Variants in CEP89 observed in about 807,000 individuals in gnomAD.
The protein encoded by CEP89 is centrosomal protein 89.
Under a neutral mutation model 97.6 loss-of-function variants are expected in CEP89, and 95 were observed. The ratio of observed to expected loss-of-function variants is 0.97; its 90% CI spans 0.82 to 1.15. CEP89 has a LOEUF of 1.15. Among genes scored for constraint, CEP89 ranks in the 50% most tolerant of loss-of-function variants. CEP89 has a pLI of 0.00. For synonymous variants in CEP89, 354 were observed against 349.1 expected (o/e 1.01, Z -0.16); for missense variants, 869 against 947.7 (o/e 0.92, Z 1.09).
chr19:32,931,004 G>A (rs2145927800), intron 9 of CEP89, among the ~76,000 whole-genome samples: 1 of 152,138 alleles, frequency 6.6e-6, no homozygotes, highest in Non-Finnish European at 1.5e-5. Flanking sequence ...TCTTGCCTCA[G>A]CCTCCTGAGT....
At chr19:32,934,531 C>T (rs1970541521) in intron 7 of CEP89, among the ~76,000 whole-genome samples, 1 of 152,164 alleles carries the variant, frequency 6.6e-6, no homozygotes, top group Admixed American at 6.5e-5. Flanking sequence ...AGAGCTTCCA[C>T]ACAGACGAGG....
chr19:32,914,768 T>C (rs144844605), intron 14 of CEP89, among the ~76,000 whole-genome samples: 12 of 152,202 alleles, frequency 7.9e-5, no homozygotes, highest in Non-Finnish European at 1.8e-4. Context: ...ACACCTGTAA[T>C]TCCAGCACTT....
intron 14 of CEP89, among the ~76,000 whole-genome samples, chr19:32,913,048 ATT>A (rs1344555592): frequency 5.4e-5 from 8 of 148,926 alleles, no homozygotes; most frequent in Non-Finnish European, 1.0e-4. Flanking sequence ...CTCAAAAAAA[ATT>A]AAAAAAAATT....
intron 17 of CEP89, among the ~76,000 whole-genome samples, chr19:32,884,748 A>G (rs538074060): frequency 6.6e-6 from 1 of 151,982 alleles, no homozygotes; most frequent in East Asian, 1.9e-4. Flanking sequence ...ACTTTTTTTT[A>G]GAGATGGGGT....
At chr19:32,932,172 C>G (rs1970490051) in intron 8 of CEP89, among the ~76,000 whole-genome samples, 1 of 146,132 alleles carries the variant, frequency 6.8e-6, no homozygotes, top group African/African-American at 2.5e-5. Flanking sequence ...CAGAGGGAGA[C>G]TCCATCTCAC....
At chr19:32,957,178 G>T (rs753151720) in intron 3 of CEP89, among the ~76,000 whole-genome samples, 14 of 152,098 alleles carry the variant, frequency 9.2e-5, no homozygotes, top group Non-Finnish European at 1.5e-5. Context: ...GACAGGGCTG[G>T]GCACAATGGC....
intron 9 of CEP89, among the ~76,000 whole-genome samples, chr19:32,928,982 T>C: frequency 6.6e-6 from 1 of 152,216 alleles, no homozygotes; most frequent in East Asian, 1.9e-4. Context: ...GCATTACATA[T>C]TCTGTCTGGT....
chr19:32,890,524 C>T (rs1014972912), intron 16 of CEP89, among the ~76,000 whole-genome samples: 5 of 152,108 alleles, frequency 3.3e-5, no homozygotes, highest in African/African-American at 4.8e-5. Context: ...AGTCATCGCA[C>T]GGAGAACATC....
At chr19:32,935,255 C>T (rs942126659) in intron 7 of CEP89, among the ~76,000 whole-genome samples, 1 of 152,184 alleles carries the variant, frequency 6.6e-6, no homozygotes, top group Non-Finnish European at 1.5e-5. Flanking sequence ...AGCCTGCTGG[C>T]TCTCCCTCTT....
At chr19:32,911,979 C>A (rs1472154986) in intron 14 of CEP89, among the ~76,000 whole-genome samples, 2 of 152,104 alleles carry the variant, frequency 1.3e-5, no homozygotes, top group Non-Finnish European at 2.9e-5. Context: ...GTAATCCCAG[C>A]ACTTTGGGAG....
rs1374348403 is a variant in CEP89 at position 32,901,286 on chromosome 19, T to C, written c.1692A>G (p.Lys564=). ...CTCGTTCAAGTTCGGCTTCCAGTGC[T>C]TTGTTTTGCTCTGTCAAACTGTTCT... ...LEKNSLTEQN[K]ALEAELERAQ... The change falls in exon 15 of 19, where the codon AAA becomes AAG. Residue 564 remains lysine, a synonymous_variant. Coordinates refer to ENST00000305768, the MANE Select transcript of CEP89 (RefSeq NM_032816.5). 5.0e-6 allele frequency: 8 copies of C among 1,613,858 alleles called. No individual in the cohort carries two copies. Among genetic ancestry groups the C allele is most frequent in the Non-Finnish European group, 6.8e-6 (8 of 1,179,982 alleles).
At chr19:32,965,246 A>T (rs1971255975) in intron 2 of CEP89, among the ~76,000 whole-genome samples, 1 of 152,090 alleles carries the variant, frequency 6.6e-6, no homozygotes, top group Admixed American at 6.6e-5. Context: ...CAGAAAATTT[A>T]AAAAATTAGC....
intron 17 of CEP89, among the ~76,000 whole-genome samples, chr19:32,884,412 T>A (rs1438872228): frequency 6.6e-6 from 1 of 152,180 alleles, no homozygotes; most frequent in Non-Finnish European, 1.5e-5. Flanking sequence ...CCCTAATAGG[T>A]GAATTAAGCT....
intron 17 of CEP89, among the ~76,000 whole-genome samples, chr19:32,886,442 T>C (rs952183147): frequency 6.6e-6 from 1 of 152,134 alleles, no homozygotes; most frequent in Non-Finnish European, 1.5e-5. Flanking sequence ...TCTGCCTGCA[T>C]CCCTCAGTTC....
chr19:32,933,612 G>A lies in CEP89; in HGVS notation c.725C>T (p.Ala242Val). The change falls in exon 8 of 19, where the codon GCA becomes GTA. Residue 242 changes from alanine to valine, a missense_variant. Transcript: ENST00000305768. ...YTEITREKFE[A>V]LKEENMDLNN... ...TAGGTCCATATTTTCTTCTTTTAAT[G>A]CCTCAAACTTTTCTCTGGTTATTTC... 1 of 1,613,222 alleles carries A rather than the reference G, an allele frequency of 6.2e-7. No individual in the cohort carries two copies. Among genetic ancestry groups the A allele is most frequent in the East Asian group, 2.2e-5 (1 of 44,864 alleles).
At chr19:32,912,720 TA>T (rs1184515559) in intron 14 of CEP89, among the ~76,000 whole-genome samples, 1 of 152,160 alleles carries the variant, frequency 6.6e-6, no homozygotes, top group African/African-American at 2.4e-5. Context: ...TGTAATTTTA[TA>T]TAGCTACACA....
chr19:32,912,281 T>C (rs1970017723), intron 14 of CEP89, among the ~76,000 whole-genome samples: 1 of 152,166 alleles, frequency 6.6e-6, no homozygotes, highest in South Asian at 2.1e-4. Flanking sequence ...TTGGCTCGGC[T>C]ATGGTGCCCA....
chr19:32,896,005 T>G (rs1969633330), intron 16 of CEP89, among the ~76,000 whole-genome samples: 2 of 152,186 alleles, frequency 1.3e-5, no homozygotes, highest in Non-Finnish European at 2.9e-5. Context: ...TGATCATGGA[T>G]GCGAAGAATT....
chr19:32,883,741 T>C (rs1332802081), intron 17 of CEP89, among the ~76,000 whole-genome samples: 1 of 152,208 alleles, frequency 6.6e-6, no homozygotes, highest in Non-Finnish European at 1.5e-5. Flanking sequence ...AGGCTTTCTT[T>C]GTAGCCAAGC....
Sources: gnomAD v4.1 joint callset for allele counts (sites outside exome capture counted in the v4.1 genomes callset) on GRCh38, gnomAD v4.1.1 for gene constraint, MANE v1.5 for transcripts, NCBI Gene and HGNC (gene_info 2026-07-23, HGNC 2026-07-21) for gene names.